Variants in TRMT9B observed in about 807,000 individuals in gnomAD.
TRMT9B encodes the protein probable tRNA methyltransferase 9B.
A neutral mutation model predicts 11.5 loss-of-function variants in TRMT9B; 16 were observed. That is an observed-to-expected ratio of 1.39 (90% confidence interval 0.94 to 2.11). The LOEUF is 2.11. Ranked by LOEUF, TRMT9B falls within the 30% of genes most tolerant of loss-of-function variation. TRMT9B has a pLI of 0.00. For missense variants in TRMT9B, 941 were observed against 553.8 expected, an observed-to-expected ratio of 1.70 and a Z score of -7.02; for synonymous variants, 274 against 192.4, an observed-to-expected ratio of 1.42 and a Z score of -3.51.
At position 13,023,292 on chromosome 8, in the gene TRMT9B, C is replaced by G. The variant is rs2128904510; in HGVS notation, c.*1248C>G. ...GAAGCACTGATTTTAGCTCTGAGAA[C>G]AAACAAATTAAGGTACAGCATAGTT... On this transcript the variant is annotated 3_prime_UTR_variant, in exon 5 of 5. Transcript: ENST00000524591. The G allele has an allele frequency of 6.0e-6, 1 of 167,160 alleles. No individual in the cohort carries two copies. The highest frequency in any genetic ancestry group is 3.4e-3 in the Middle Eastern group (1 of 296). The allele number at this position is 167,160 out of a possible 1,614,324, so 10.4% of individuals were successfully genotyped here.
rs1307878758 is a variant in TRMT9B, at chr8:13,015,098, T to C, written c.328+2241T>C. 2.0e-5 allele frequency among the ~76,000 whole-genome samples: 3 copies of C among 147,488 alleles called. No homozygotes were observed. In the South Asian group the frequency reaches 6.4e-4, roughly 31 times the overall value. The stretch of plus-strand genomic sequence containing the variant: ...ATAAATAAATAAATAAATAAATAAA[T>C]AAAATAAAAAGTCAAAGAAATCTGT... On this transcript the variant is annotated intron_variant, in intron 4 of 4. Transcript: ENST00000524591.
At chr8:13,000,589 G>A (rs997709065) in intron 2 of TRMT9B, among the ~76,000 whole-genome samples, 1 of 152,240 alleles carries the variant, frequency 6.6e-6, no homozygotes, top group Non-Finnish European at 1.5e-5. Context: ...TGTCTACTCA[G>A]TCTCATTTAT....
At chr8:12,964,388 C>T (rs910066961) in intron 1 of TRMT9B, among the ~76,000 whole-genome samples, 2 of 152,186 alleles carry the variant, frequency 1.3e-5, no homozygotes, top group South Asian at 2.1e-4. Flanking sequence ...CATTTCCATC[C>T]TGCCGCAGGA....
intron 1 of TRMT9B, chr8:12,960,117 T>A (rs1041025403): frequency 2.6e-5 from 4 of 152,186 alleles, no homozygotes; most frequent in Non-Finnish European, 5.9e-5. Context: ...TGGAAAGTAA[T>A]GTCCATGCCT....
intron 1 of TRMT9B, among the ~76,000 whole-genome samples, chr8:12,987,764 G>A (rs1023807213): frequency 2.6e-5 from 4 of 151,990 alleles, no homozygotes; most frequent in African/African-American, 4.8e-5. Flanking sequence ...TACCTTAAAC[G>A]TGCTCAGAAC....
chr8:12,956,793 C>A (rs1347641843), intron 1 of TRMT9B, among the ~76,000 whole-genome samples: 1 of 152,108 alleles, frequency 6.6e-6, no homozygotes, highest in Non-Finnish European at 1.5e-5. Flanking sequence ...TAAGAGTATG[C>A]TTGAATTCAC....
At position 13,022,012 on chromosome 8, in the gene TRMT9B, A is replaced by G. The variant is rs914446514; in HGVS notation, c.1333A>G (p.Ile445Val). ...TGGGAATGATCATGGTAACTGGTGT[A>G]TCATTGCAGAGAAAAAGAGAGGTTG... ...SSGNDHGNWCIIAEKKRGCD is the reference protein window; with the variant it reads ...SSGNDHGNWCVIAEKKRGCD Residue 445 changes from isoleucine to valine, a missense_variant, in exon 5 of 5, where the codon ATC becomes GTC. Transcript: ENST00000524591. The G allele has an allele frequency of 7.5e-6, 12 of 1,604,778 alleles. No homozygotes were observed. The Admixed American group carries it at 1.0e-4, about 14-fold the overall frequency.
rs942967359 is a variant in TRMT9B at position 13,023,971 on chromosome 8, G to T, written c.*1927G>T. On this transcript the variant is annotated 3_prime_UTR_variant, in exon 5 of 5. Coordinates refer to ENST00000524591, the MANE Select transcript of TRMT9B (RefSeq NM_020844.3). ...AGTTGTACTGTTCAGTGTACATCCTGCAGTAGTGGATGATTGAAAACATAT... is the reference window on the plus strand; with the variant it reads ...AGTTGTACTGTTCAGTGTACATCCTTCAGTAGTGGATGATTGAAAACATAT... 4 of 166,584 alleles carry T rather than the reference G, an allele frequency of 2.4e-5. No individual in the cohort carries two copies. Among genetic ancestry groups the T allele is most frequent in the African/African-American group, 9.7e-5 (4 of 41,330 alleles). 10.3% of individuals were successfully genotyped at this position (166,584 alleles called of 1,614,324 possible). A position where few individuals can be genotyped will look rare whatever the true frequency, so the allele number is the denominator to read the frequency against.
intron 1 of TRMT9B, among the ~76,000 whole-genome samples, chr8:12,982,755 A>C (rs1441165987): frequency 6.6e-6 from 1 of 152,186 alleles, no homozygotes; most frequent in Non-Finnish European, 1.5e-5. Flanking sequence ...TGAAATGCTC[A>C]AAAATTTGAA....
At chr8:12,991,312 A>C (rs1422107544) in intron 2 of TRMT9B, among the ~76,000 whole-genome samples, 4 of 152,206 alleles carry the variant, frequency 2.6e-5, no homozygotes, top group Non-Finnish European at 5.9e-5. Context: ...TATCACACAA[A>C]AGTTTACAAT....
chr8:13,008,467 A>G (rs1810917146), intron 3 of TRMT9B, among the ~76,000 whole-genome samples: 2 of 152,206 alleles, frequency 1.3e-5, no homozygotes, highest in African/African-American at 2.4e-5. Flanking sequence ...ATTTTGCTGC[A>G]CTGTGAGTAT....
At chr8:12,950,336 AG>A (rs1478106927) in intron 1 of TRMT9B, among the ~76,000 whole-genome samples, 1 of 152,162 alleles carries the variant, frequency 6.6e-6, no homozygotes, top group Non-Finnish European at 1.5e-5. Context: ...ACTATTTGCC[AG>A]GCACTATCCT....
chr8:12,959,516 C>CTTTTTTCTT (rs1801779784), intron 1 of TRMT9B, among the ~76,000 whole-genome samples: 1 of 74,896 alleles, frequency 1.3e-5, no homozygotes, highest in Non-Finnish European at 2.3e-5. Flanking sequence ...TTTTTCCTTC[C>CTTTTTTCTT]TTTTTTTTTT....
At chr8:12,968,792 G>C (rs1475327607) in intron 1 of TRMT9B, among the ~76,000 whole-genome samples, 1 of 152,096 alleles carries the variant, frequency 6.6e-6, no homozygotes, top group Non-Finnish European at 1.5e-5. Flanking sequence ...GTGCAGTATG[G>C]TGGGTAGAGA....
chr8:12,954,253 T>C (rs1046652647), intron 1 of TRMT9B, among the ~76,000 whole-genome samples: 3 of 152,224 alleles, frequency 2.0e-5, no homozygotes, highest in Non-Finnish European at 4.4e-5. Context: ...CCAGACCTTA[T>C]AGTATTTCTG....
Position 12,981,588 on chromosome 8 carries a change from T to A in TRMT9B, c.-199-9246T>A, listed in dbSNP as rs952145038. On this transcript the variant is annotated intron_variant, in intron 1 of 4. Coordinates refer to ENST00000524591, the MANE Select transcript of TRMT9B (RefSeq NM_020844.3). ...GTTTATTTTTGCTTTCCTTTCTTTCTTTTATTTATTTATTTATTTTTTTTT... is the reference window on the plus strand; with the variant it reads ...GTTTATTTTTGCTTTCCTTTCTTTCATTTATTTATTTATTTATTTTTTTTT... Among the ~76,000 whole-genome samples the A allele has an allele frequency of 5.3e-5, 8 of 151,362 alleles. No individual in the cohort carries two copies. The East Asian group carries it at 1.2e-3, about 22-fold the overall frequency.
chr8:13,022,312 G>C lies in TRMT9B; in HGVS notation c.*268G>C, dbSNP rs902817424. ...AGAAAGTACCCTTCAGTACACCTCA[G>C]ACTTTTTTTTAACCCCAGAGAGATA... On this transcript the variant is annotated 3_prime_UTR_variant, in exon 5 of 5. Coordinates refer to ENST00000524591, the MANE Select transcript of TRMT9B (RefSeq NM_020844.3). The C allele has an allele frequency of 2.9e-6, 1 of 344,746 alleles. No individual in the cohort carries two copies. Among genetic ancestry groups the C allele is most frequent in the Non-Finnish European group, 5.4e-6 (1 of 183,872 alleles). The allele number at this position is 344,746 out of a possible 1,614,324, so 21.4% of individuals were successfully genotyped here.
intron 1 of TRMT9B, among the ~76,000 whole-genome samples, chr8:12,949,804 T>C (rs1402025239): frequency 6.6e-6 from 1 of 152,228 alleles, no homozygotes; most frequent in Non-Finnish European, 1.5e-5. Context: ...CTATTATGTC[T>C]TGAAAGCATA....
intron 2 of TRMT9B, among the ~76,000 whole-genome samples, chr8:12,993,404 C>T (rs769270263): frequency 7.2e-5 from 11 of 152,284 alleles, no homozygotes; most frequent in Middle Eastern, 3.4e-3. Flanking sequence ...ATGTGGTTTA[C>T]GCAGTTACCT....
Sources: gnomAD v4.1 joint callset for allele counts (sites outside exome capture counted in the v4.1 genomes callset) on GRCh38, gnomAD v4.1.1 for gene constraint, MANE v1.5 for transcripts, NCBI Gene and HGNC (gene_info 2026-07-23, HGNC 2026-07-21) for gene names.